Variants in DOK6 observed in about 807,000 individuals in gnomAD.
DOK6 encodes the protein downstream of tyrosine kinase 6.
DOK6 carries 22 observed loss-of-function variants against 44.0 expected under a neutral mutation model. That is an observed-to-expected ratio of 0.50 (90% confidence interval 0.36 to 0.71). The LOEUF is 0.71. Among genes scored for constraint, DOK6 ranks in the 30% least tolerant of loss-of-function variants. DOK6 has a pLI of 0.00. For missense variants in DOK6, 340 were observed against 416.4 expected (o/e 0.82, Z 1.60); for synonymous variants, 166 against 145.5 (o/e 1.14, Z -1.01).
chr18:69,731,993 C>G (rs1445514605), intron 5 of DOK6, among the ~76,000 whole-genome samples: 1 of 152,150 alleles, frequency 6.6e-6, no homozygotes, highest in Non-Finnish European at 1.5e-5. Context: ...GAACGTATCA[C>G]TTCTCTGTAT....
intron 5 of DOK6, among the ~76,000 whole-genome samples, chr18:69,714,639 C>T (rs1461241343): frequency 6.6e-6 from 1 of 151,928 alleles, no homozygotes; most frequent in African/African-American, 2.4e-5. Context: ...AATATATCTG[C>T]CTCAGAAGAA....
At chr18:69,429,700 G>A (rs979734916) in intron 1 of DOK6, among the ~76,000 whole-genome samples, 12 of 136,394 alleles carry the variant, frequency 8.8e-5, no homozygotes, top group South Asian at 2.4e-4. Flanking sequence ...CTTTTCTTCC[G>A]TACCACCTCT....
chr18:69,793,163 T>G (rs561461387), intron 7 of DOK6, among the ~76,000 whole-genome samples: 1 of 152,296 alleles, frequency 6.6e-6, no homozygotes, highest in African/African-American at 2.4e-5. Context: ...CTGAGACCAG[T>G]AACTCAATAG....
chr18:69,554,918 T>A (rs989719312), intron 1 of DOK6, among the ~76,000 whole-genome samples: 3 of 152,190 alleles, frequency 2.0e-5, no homozygotes, highest in Non-Finnish European at 4.4e-5. Context: ...TATTGGCCAT[T>A]TATACAGCTC....
intron 5 of DOK6, among the ~76,000 whole-genome samples, chr18:69,718,954 T>C (rs1210841316): frequency 6.6e-6 from 1 of 152,204 alleles, no homozygotes; most frequent in Non-Finnish European, 1.5e-5. Context: ...GGTAGTATAA[T>C]ATCACAGTTT....
At chr18:69,731,972 A>G (rs7233752) in intron 5 of DOK6, among the ~76,000 whole-genome samples, 26,472 of 152,138 alleles carry the variant, frequency 0.17, 2,522 homozygotes, top group Middle Eastern at 0.29. Context: ...CAAGTCTTCC[A>G]CCCAGGATAA....
At chr18:69,737,014 A>T (rs1568110870) in intron 5 of DOK6, among the ~76,000 whole-genome samples, 1 of 152,216 alleles carries the variant, frequency 6.6e-6, no homozygotes, top group Non-Finnish European at 1.5e-5. Context: ...TGCCATCTAA[A>T]TTATTTCCTC....
At chr18:69,671,895 T>C (rs1985806499) in intron 3 of DOK6, among the ~76,000 whole-genome samples, 1 of 152,210 alleles carries the variant, frequency 6.6e-6, no homozygotes, top group Admixed American at 6.5e-5. Flanking sequence ...ATCAAGTAAG[T>C]TTCCTGCACT....
At position 69,746,761 on chromosome 18, in the gene DOK6, G is replaced by A. The variant is rs76253495; in HGVS notation, c.738+7658G>A. The stretch of plus-strand genomic sequence containing the variant: ...GAATAAAATGGAAGATTAAGGGTGA[G>A]GTGTCCCTTATTGAAAATTAAGCCA... On this transcript the variant is annotated intron_variant, in intron 6 of 7. Transcript: ENST00000382713. Among the ~76,000 whole-genome samples the A allele has an allele frequency of 9.6e-3, 1,460 of 152,268 alleles. 67 individuals carry two copies. The highest frequency in any genetic ancestry group is 0.086 in the East Asian group (447 of 5,180).
At chr18:69,449,530 T>TGG (rs1190296309) in intron 1 of DOK6, among the ~76,000 whole-genome samples, 3 of 152,226 alleles carry the variant, frequency 2.0e-5, no homozygotes, top group African/African-American at 7.2e-5. Context: ...TCTTAAATAA[T>TGG]ATATAACCAT....
At chr18:69,469,294 ATTTATACAAG>A (rs1980018529) in intron 1 of DOK6, among the ~76,000 whole-genome samples, 1 of 152,202 alleles carries the variant, frequency 6.6e-6, no homozygotes, top group Admixed American at 6.5e-5. Flanking sequence ...TAATTATTAG[ATTTATACAAG>A]TTTAAATAAG....
intron 1 of DOK6, among the ~76,000 whole-genome samples, chr18:69,485,624 C>A (rs1043773571): frequency 6.6e-6 from 1 of 152,080 alleles, no homozygotes; most frequent in Non-Finnish European, 1.5e-5. Context: ...GGTAAACATT[C>A]AAACATTCAA....
intron 4 of DOK6, among the ~76,000 whole-genome samples, chr18:69,691,225 AAAT>A (rs1568334724): frequency 9.9e-5 from 15 of 151,208 alleles, no homozygotes; most frequent in Non-Finnish European, 1.6e-4. Context: ...ATAAATAAAT[AAAT>A]AAAAATATAG....
chr18:69,447,706 A>G (rs1979336172), intron 1 of DOK6, among the ~76,000 whole-genome samples: 1 of 152,198 alleles, frequency 6.6e-6, no homozygotes. Flanking sequence ...TCAGAAGGTG[A>G]GCCCGTGATG....
chr18:69,798,235 G>A (rs1335352492), intron 7 of DOK6, among the ~76,000 whole-genome samples: 2 of 152,164 alleles, frequency 1.3e-5, no homozygotes, highest in East Asian at 3.9e-4. Context: ...ATGGAGAATT[G>A]CAAGGAAGTG....
At chr18:69,584,803 GATATTTT>G (rs66787828) in intron 2 of DOK6, among the ~76,000 whole-genome samples, 34,429 of 151,092 alleles carry the variant, frequency 0.23, 4,920 homozygotes, top group Non-Finnish European at 0.33. Context: ...TGACAATTTT[GATATTTT>G]ATATTTTCCT....
At chr18:69,712,403 A>G (rs989062492) in intron 5 of DOK6, among the ~76,000 whole-genome samples, 2 of 147,608 alleles carry the variant, frequency 1.4e-5, no homozygotes, top group African/African-American at 2.5e-5. Context: ...GGCAATGGAT[A>G]TTATTGTGTT....
At chr18:69,491,343 C>T (rs1980729363) in intron 1 of DOK6, among the ~76,000 whole-genome samples, 1 of 152,046 alleles carries the variant, frequency 6.6e-6, no homozygotes, top group African/African-American at 2.4e-5. Context: ...GCTAAAGTGC[C>T]CTTCACAGCA....
chr18:69,658,360 T>C (rs1985423335), intron 3 of DOK6, among the ~76,000 whole-genome samples: 1 of 152,176 alleles, frequency 6.6e-6, no homozygotes, highest in Admixed American at 6.5e-5. Context: ...AATTGTGAAA[T>C]AGTGTCTATT....
Sources: gnomAD v4.1 joint callset for allele counts (sites outside exome capture counted in the v4.1 genomes callset) on GRCh38, gnomAD v4.1.1 for gene constraint, MANE v1.5 for transcripts, NCBI Gene and HGNC (gene_info 2026-07-23, HGNC 2026-07-21) for gene names.